TMEM38B: variants seen among roughly 807,000 people sequenced by gnomAD.
TMEM38B encodes the protein trimeric intracellular cation channel type B.
Under a neutral mutation model 28.7 loss-of-function variants are expected in TMEM38B, and 24 were observed. The observed-to-expected ratio is 0.84, with a 90% confidence interval of 0.61 to 1.18. The LOEUF (loss-of-function observed/expected upper bound fraction) is 1.18. Ranked by LOEUF, TMEM38B falls within the 50% of genes most tolerant of loss-of-function variation. TMEM38B has a pLI of 0.00. For missense variants in TMEM38B, 380 were observed against 350.9 expected, an observed-to-expected ratio of 1.08 and a Z score of -0.66; for synonymous variants, 131 against 127.7, an observed-to-expected ratio of 1.03 and a Z score of -0.17.
chr9:105,762,356 A>T (rs1378516661), intron 5 of TMEM38B, among the ~76,000 whole-genome samples: 2 of 149,796 alleles, frequency 1.3e-5, no homozygotes, highest in Non-Finnish European at 3.0e-5. Context: ...CGCTGCACCC[A>T]CTAACTCATT....
intron 4 of TMEM38B, among the ~76,000 whole-genome samples, chr9:105,739,992 C>T (rs1370925625): frequency 6.6e-6 from 1 of 151,938 alleles, no homozygotes; most frequent in Non-Finnish European, 1.5e-5. Flanking sequence ...AAGTGATTCT[C>T]CTGCCTCAGC....
chr9:105,772,487 T>A (rs572689902), intron 5 of TMEM38B, among the ~76,000 whole-genome samples: 1 of 152,138 alleles, frequency 6.6e-6, no homozygotes, highest in African/African-American at 2.4e-5. Flanking sequence ...TTTATTCAGC[T>A]TTTTTTCTCT....
intron 2 of TMEM38B, chr9:105,710,700 C>G (rs1835868724): frequency 3.0e-6 from 2 of 668,000 alleles, no homozygotes; most frequent in Admixed American, 1.8e-5. Context: ...CAAATTCACA[C>G]CGTAAATCTT....
chr9:105,763,233 C>T (rs960242386), intron 5 of TMEM38B, among the ~76,000 whole-genome samples: 4 of 152,010 alleles, frequency 2.6e-5, no homozygotes, highest in African/African-American at 9.7e-5. Flanking sequence ...ATGGTAGTTT[C>T]TTTTGCTGTG....
chr9:105,697,921 G>A (rs1431884827), intron 1 of TMEM38B, among the ~76,000 whole-genome samples: 7 of 151,986 alleles, frequency 4.6e-5, no homozygotes, highest in Non-Finnish European at 2.9e-5. Flanking sequence ...TAATCTATCT[G>A]CAGTATTTTT....
At chr9:105,758,896 G>A (rs1274580636) in intron 5 of TMEM38B, 2 of 1,143,412 alleles carry the variant, frequency 1.7e-6, no homozygotes, top group African/African-American at 3.0e-5. Context: ...GAAATTTGGA[G>A]ATATGTTATT....
At position 105,773,931 on chromosome 9, in the gene TMEM38B, A is replaced by T; in HGVS notation, c.727A>T (p.Met243Leu). The T allele has an allele frequency of 6.2e-7, 1 of 1,613,802 alleles. No individual in the cohort carries two copies. The highest frequency in any genetic ancestry group is 1.1e-5 in the South Asian group (1 of 91,080). The stretch of plus-strand genomic sequence containing the variant: ...TCCTTTTGAGGATACATTGAGTTGG[A>T]TGCTATTTGGCTGGCAGCAGCCGTT... ...FAPFEDTLSW[M>L]LFGWQQPFSS... The change falls in exon 6 of 6, where the codon ATG becomes TTG. Residue 243 changes from methionine to leucine, a missense_variant. By Grantham distance (15) the Met-to-Leu change is conservative (BLOSUM62 2). Coordinates refer to ENST00000374692, the MANE Select transcript of TMEM38B (RefSeq NM_018112.3).
In TMEM38B at chr9:105,694,682, T is replaced by C. The variant is rs371961413; in HGVS notation, c.22T>C (p.Leu8=). Residue 8 remains leucine (L), a synonymous_variant, in exon 1 of 6, where the codon TTG becomes CTG. Transcript: ENST00000374692. MDSPWDE[L]ALAFSRTSMF... ...CGTTATGGATTCTCCATGGGACGAG[T>C]TGGCTCTGGCCTTCTCCCGCACGTC... The C allele has an allele frequency of 3.7e-6, 6 of 1,613,704 alleles. No homozygotes were observed. In the African/African-American group the frequency reaches 8.0e-5, roughly 22 times the overall value.
intron 1 of TMEM38B, chr9:105,701,517 G>A (rs1356605304): frequency 6.6e-6 from 1 of 152,194 alleles, no homozygotes; most frequent in Non-Finnish European, 1.5e-5. Flanking sequence ...TATAAGAATT[G>A]TGTTGATTTG....
At chr9:105,736,688 C>T (rs1836994188) in intron 4 of TMEM38B, among the ~76,000 whole-genome samples, 2 of 152,138 alleles carry the variant, frequency 1.3e-5, no homozygotes, top group Non-Finnish European at 2.9e-5. Flanking sequence ...TTTTGTGTGT[C>T]CTGTCCAGCA....
rs77760478 is a variant in TMEM38B, at chr9:105,775,498, T to G, written c.*1418T>G. ...ACATTCAAGTTAGAAGTTTTTTTTT[T>G]GTTGTTGTTATTTTAAATTTTTAAC... On this transcript the variant is annotated 3_prime_UTR_variant, in exon 6 of 6. Coordinates refer to ENST00000374692, the MANE Select transcript of TMEM38B (RefSeq NM_018112.3). 1 of 151,868 alleles carries G rather than the reference T, an allele frequency of 6.6e-6. No homozygotes were observed. Among genetic ancestry groups the G allele is most frequent in the Non-Finnish European group, 1.5e-5 (1 of 67,960 alleles). 9.4% of individuals were successfully genotyped at this position (151,868 alleles called of 1,614,324 possible).
chr9:105,743,900 A>G (rs535400358), intron 4 of TMEM38B, among the ~76,000 whole-genome samples: 2 of 152,310 alleles, frequency 1.3e-5, no homozygotes, highest in South Asian at 4.1e-4. Context: ...AAATTGTTAT[A>G]TACCCAAATA....
intron 1 of TMEM38B, among the ~76,000 whole-genome samples, chr9:105,704,878 C>T (rs1046138116): frequency 2.6e-5 from 4 of 151,424 alleles, no homozygotes; most frequent in Non-Finnish European, 5.9e-5. Context: ...GAGCCAAGAT[C>T]GCATCACTGC....
chr9:105,766,086 A>C (rs1301240237), intron 5 of TMEM38B, among the ~76,000 whole-genome samples: 2 of 152,208 alleles, frequency 1.3e-5, no homozygotes, highest in African/African-American at 2.4e-5. Flanking sequence ...GGCGTGAGCC[A>C]CTGTGCCCAG....
intron 4 of TMEM38B, among the ~76,000 whole-genome samples, chr9:105,744,304 T>C (rs1474157467): frequency 1.3e-5 from 2 of 152,030 alleles, no homozygotes; most frequent in South Asian, 2.1e-4. Context: ...CATGTTTTCA[T>C]AGATTTTCTA....
intron 3 of TMEM38B, among the ~76,000 whole-genome samples, chr9:105,722,017 A>G (rs190618830): frequency 4.5e-4 from 68 of 152,330 alleles, no homozygotes; most frequent in Admixed American, 1.6e-3. Context: ...TCTGTAAATA[A>G]AATAAGTTTA....
chr9:105,716,457 G>T (rs972724796), intron 2 of TMEM38B, among the ~76,000 whole-genome samples: 3 of 151,796 alleles, frequency 2.0e-5, no homozygotes, highest in Non-Finnish European at 4.4e-5. Context: ...TATGATTTTG[G>T]TCTTAAGTTC....
chr9:105,730,398 C>G (rs531904055), intron 4 of TMEM38B, among the ~76,000 whole-genome samples: 1 of 152,132 alleles, frequency 6.6e-6, no homozygotes, highest in African/African-American at 2.4e-5. Flanking sequence ...GTTGAACCAG[C>G]CTTGCATCCC....
chr9:105,734,058 T>C (rs1476260505), intron 4 of TMEM38B, among the ~76,000 whole-genome samples: 1 of 152,154 alleles, frequency 6.6e-6, no homozygotes, highest in African/African-American at 2.4e-5. Context: ...AATATTTCTT[T>C]TTTTAATGTA....
Sources: gnomAD v4.1 joint callset for allele counts (sites outside exome capture counted in the v4.1 genomes callset) on GRCh38, gnomAD v4.1.1 for gene constraint, MANE v1.5 for transcripts, NCBI Gene and HGNC (gene_info 2026-07-23, HGNC 2026-07-21) for gene names.